The following GPR176 variants were observed in gnomAD, a reference collection of about 807,000 sequenced individuals.
GPR176 encodes G protein-coupled receptor 176, also known as G-protein coupled receptor 176.
Under a neutral mutation model 35.4 loss-of-function variants are expected in GPR176, and 26 were observed. The observed-to-expected ratio is 0.74, with a 90% CI of 0.54 to 1.02. The LOEUF (loss-of-function observed/expected upper bound fraction) is 1.02. GPR176 is among the 50% of genes least tolerant of loss of function. The pLI is 0.00. For synonymous variants in GPR176, 278 were observed against 271.3 expected, an observed-to-expected ratio of 1.02 and a Z score of -0.24; for missense variants, 597 against 665.3, an observed-to-expected ratio of 0.90 and a Z score of 1.13.
At chr15:39,887,616 A>AC (rs2140855349) in intron 1 of GPR176, among the ~76,000 whole-genome samples, 1 of 150,456 alleles carries the variant, frequency 6.6e-6, no homozygotes, top group East Asian at 1.9e-4. Flanking sequence ...AAAAAAAAAA[A>AC]AGCTTGTCTC....
intron 1 of GPR176, among the ~76,000 whole-genome samples, chr15:39,918,569 C>T (rs1292269707): frequency 6.6e-6 from 1 of 152,130 alleles, no homozygotes; most frequent in East Asian, 1.9e-4. Flanking sequence ...CTCCCAATAA[C>T]CTACAATGCA....
At chr15:39,901,031 T>C (rs2033262027) in intron 1 of GPR176, among the ~76,000 whole-genome samples, 1 of 151,890 alleles carries the variant, frequency 6.6e-6, no homozygotes, top group Non-Finnish European at 1.5e-5. Context: ...TACCTTTATA[T>C]TAATAACAAG....
At chr15:39,914,590 A>T (rs140712397) in intron 1 of GPR176, among the ~76,000 whole-genome samples, 3 of 152,136 alleles carry the variant, frequency 2.0e-5, no homozygotes, top group African/African-American at 7.2e-5. Flanking sequence ...GATTACAGGC[A>T]TGAGCCACCA....
At chr15:39,846,626 AGAAT>A in intron 1 of GPR176, among the ~76,000 whole-genome samples, 1 of 152,228 alleles carries the variant, frequency 6.6e-6, no homozygotes, top group East Asian at 1.9e-4. Context: ...ATAAGAAACT[AGAAT>A]GAAAGTAGAT....
At chr15:39,836,009 T>C (rs140408481) in intron 1 of GPR176, among the ~76,000 whole-genome samples, 1 of 152,254 alleles carries the variant, frequency 6.6e-6, no homozygotes, top group Non-Finnish European at 1.5e-5. Flanking sequence ...GCACAAGAAT[T>C]GCTTAAACCT....
intron 1 of GPR176, among the ~76,000 whole-genome samples, chr15:39,818,940 A>G (rs1306297466): frequency 1.3e-5 from 2 of 152,218 alleles, no homozygotes; most frequent in African/African-American, 4.8e-5. Context: ...TGCTCATATT[A>G]GGTCTATTAA....
chr15:39,876,548 T>C (rs376463494), intron 1 of GPR176, among the ~76,000 whole-genome samples: 1 of 152,182 alleles, frequency 6.6e-6, no homozygotes, highest in South Asian at 2.1e-4. Context: ...TTTATGTTAA[T>C]GTTTATAATT....
chr15:39,916,243 C>T (rs1180096042), intron 1 of GPR176, among the ~76,000 whole-genome samples: 1 of 152,192 alleles, frequency 6.6e-6, no homozygotes, highest in Non-Finnish European at 1.5e-5. Flanking sequence ...TTTGATTTCA[C>T]ACTCTTGACT....
intron 1 of GPR176, among the ~76,000 whole-genome samples, chr15:39,815,929 C>A (rs368595769): frequency 6.6e-6 from 1 of 152,072 alleles, no homozygotes; most frequent in East Asian, 1.9e-4. Context: ...GATAAATGGA[C>A]GAATGGCATA....
In GPR176 at chr15:39,830,701, T is replaced by C. The variant is rs368456799; in HGVS notation, c.173-23443A>G. ...CTATGCAAAATAGAAAAAGCAAAAA[T>C]GTTCACAAATGACATGAGATTTCAA... On this transcript the variant is annotated intron_variant, in intron 1 of 2. Coordinates refer to ENST00000561100, the MANE Select transcript of GPR176 (RefSeq NM_007223.3). Among the ~76,000 whole-genome samples, 7 of 152,300 alleles carry C rather than the reference T, an allele frequency of 4.6e-5. No homozygotes were observed. The East Asian group carries it at 1.2e-3, about 25-fold the overall frequency.
intron 1 of GPR176, chr15:39,813,228 C>T (rs1899685617): frequency 6.6e-6 from 1 of 152,072 alleles, no homozygotes; most frequent in African/African-American, 2.4e-5. Flanking sequence ...TTTATAGTTA[C>T]CTCCATTTCA....
At chr15:39,824,591 G>A (rs937752083) in intron 1 of GPR176, among the ~76,000 whole-genome samples, 2 of 152,174 alleles carry the variant, frequency 1.3e-5, no homozygotes, top group African/African-American at 4.8e-5. Context: ...TGAAGGTAGG[G>A]ATCTCATCAG....
intron 1 of GPR176, among the ~76,000 whole-genome samples, chr15:39,853,664 A>G (rs2031019119): frequency 6.6e-6 from 1 of 152,164 alleles, no homozygotes; most frequent in Non-Finnish European, 1.5e-5. Context: ...TCCCCCTGGG[A>G]ACATTTGGCA....
At chr15:39,803,882 G>C (rs909797122) in intron 2 of GPR176, among the ~76,000 whole-genome samples, 1 of 152,204 alleles carries the variant, frequency 6.6e-6, no homozygotes, top group African/African-American at 2.4e-5. Context: ...ACACAATAGC[G>C]ACCATGGACA....
At chr15:39,831,474 A>G (rs1313467571) in intron 1 of GPR176, among the ~76,000 whole-genome samples, 1 of 152,144 alleles carries the variant, frequency 6.6e-6, no homozygotes, top group East Asian at 1.9e-4. Flanking sequence ...CAACATGGTT[A>G]AAACTAAATC....
chr15:39,886,099 G>A (rs930510415), intron 1 of GPR176, among the ~76,000 whole-genome samples: 2 of 152,164 alleles, frequency 1.3e-5, no homozygotes, highest in African/African-American at 4.8e-5. Context: ...CAGGCATGGT[G>A]GCGGGCGCCT....
chr15:39,819,915 T>G (rs190827109), intron 1 of GPR176, among the ~76,000 whole-genome samples: 3 of 152,196 alleles, frequency 2.0e-5, no homozygotes, highest in Non-Finnish European at 2.9e-5. Flanking sequence ...CTCCTTATGA[T>G]CTGACACAAT....
intron 1 of GPR176, among the ~76,000 whole-genome samples, chr15:39,900,334 A>G (rs2033240536): frequency 6.6e-6 from 1 of 152,002 alleles, no homozygotes; most frequent in South Asian, 2.1e-4. Context: ...AACATGAAGG[A>G]TAATATGTGA....
chr15:39,850,504 A>G (rs2030784473), intron 1 of GPR176, among the ~76,000 whole-genome samples: 2 of 152,194 alleles, frequency 1.3e-5, no homozygotes, highest in Admixed American at 1.3e-4. Context: ...CATTCTTGCA[A>G]AGACAAAAAT....
Sources: allele counts gnomAD v4.1 joint callset (sites outside exome capture counted in the v4.1 genomes callset), GRCh38; gene constraint gnomAD v4.1.1; transcripts MANE v1.5; gene names NCBI Gene and HGNC (gene_info 2026-07-23, HGNC 2026-07-21).